BMPER: variants seen among roughly 807,000 people sequenced by gnomAD.
BMPER encodes BMP-binding endothelial regulator protein.
In BMPER, 45 loss-of-function variants were observed where a neutral mutation model predicts 87.3. The ratio of observed to expected loss-of-function variants is 0.52; its 90% CI spans 0.41 to 0.66. The LOEUF is 0.66. Among genes scored for constraint, BMPER ranks in the 30% least tolerant of loss-of-function variants. The pLI is 0.00. For missense variants in BMPER, 784 were observed against 867.5 expected, an observed-to-expected ratio of 0.90 and a Z score of 1.21; for synonymous variants, 326 against 316.2, an observed-to-expected ratio of 1.03 and a Z score of -0.33.
chr7:33,942,181 A>G (rs1422066091), intron 3 of BMPER, among the ~76,000 whole-genome samples: 2 of 152,056 alleles, frequency 1.3e-5, no homozygotes, highest in Non-Finnish European at 2.9e-5. Context: ...TACCTGAGGG[A>G]ATGTGTATAA....
At chr7:33,977,688 C>T (rs1202490016) in intron 6 of BMPER, among the ~76,000 whole-genome samples, 2 of 151,946 alleles carry the variant, frequency 1.3e-5, no homozygotes, top group African/African-American at 2.4e-5. Flanking sequence ...TGCATTTGAG[C>T]ATGTATATAG....
At chr7:33,950,059 G>A (rs1443315363) in intron 3 of BMPER, among the ~76,000 whole-genome samples, 1 of 152,162 alleles carries the variant, frequency 6.6e-6, no homozygotes. Flanking sequence ...TTATTCCTGG[G>A]CTTTGTTTTT....
intron 6 of BMPER, among the ~76,000 whole-genome samples, chr7:34,029,709 A>G (rs1787473997): frequency 6.6e-6 from 1 of 152,068 alleles, no homozygotes; most frequent in African/African-American, 2.4e-5. Context: ...AAGGCCTCCC[A>G]GAGCAGGACT....
intron 6 of BMPER, among the ~76,000 whole-genome samples, chr7:34,036,193 G>A (rs1273488602): frequency 6.6e-6 from 1 of 152,200 alleles, no homozygotes; most frequent in Admixed American, 6.5e-5. Context: ...TGTGTCAGCA[G>A]TAGGCTTGTA....
chr7:34,042,181 A>G (rs1267866410), intron 6 of BMPER, among the ~76,000 whole-genome samples: 1 of 152,238 alleles, frequency 6.6e-6, no homozygotes, highest in Non-Finnish European at 1.5e-5. Context: ...GAGCGGAAAT[A>G]GACTTGGCAT....
intron 6 of BMPER, among the ~76,000 whole-genome samples, chr7:33,994,944 A>G (rs1786361117): frequency 6.6e-6 from 1 of 152,272 alleles, no homozygotes; most frequent in South Asian, 2.1e-4. Context: ...CAGGAAGCAA[A>G]TTATTTGACT....
At chr7:33,953,878 A>G (rs1424197329) in intron 3 of BMPER, among the ~76,000 whole-genome samples, 1 of 152,064 alleles carries the variant, frequency 6.6e-6, no homozygotes, top group Non-Finnish European at 1.5e-5. Flanking sequence ...TAGGTACCGC[A>G]TGTATGTGCA....
At chr7:33,939,131 A>G (rs568129142) in intron 3 of BMPER, among the ~76,000 whole-genome samples, 7 of 152,290 alleles carry the variant, frequency 4.6e-5, no homozygotes, top group African/African-American at 1.4e-4. Context: ...CTCAGGTAAT[A>G]GAAGTATTAC....
chr7:33,953,683 T>C (rs1220254468), intron 3 of BMPER, among the ~76,000 whole-genome samples: 1 of 152,208 alleles, frequency 6.6e-6, no homozygotes, highest in East Asian at 1.9e-4. Flanking sequence ...TTTTAAAATA[T>C]ACAATTTGAT....
At chr7:34,117,698 C>T (rs1345187115) in intron 13 of BMPER, among the ~76,000 whole-genome samples, 5 of 152,150 alleles carry the variant, frequency 3.3e-5, no homozygotes, top group Non-Finnish European at 7.4e-5. Context: ...AAAGTTTTTG[C>T]GTAGCATAAG....
chr7:34,114,840 G>T (rs185723378), intron 13 of BMPER, among the ~76,000 whole-genome samples: 1 of 152,228 alleles, frequency 6.6e-6, no homozygotes, highest in East Asian at 1.9e-4. Flanking sequence ...ACTGAAGGAA[G>T]ACAAGGCAAG....
At chr7:34,024,892 A>C (rs967628387) in intron 6 of BMPER, among the ~76,000 whole-genome samples, 21 of 152,080 alleles carry the variant, frequency 1.4e-4, no homozygotes, top group Non-Finnish European at 3.1e-4. Context: ...GACTTGGATA[A>C]TTCTGATGCA....
chr7:34,020,480 A>G (rs1285906073), intron 6 of BMPER, among the ~76,000 whole-genome samples: 3 of 151,918 alleles, frequency 2.0e-5, no homozygotes, highest in Non-Finnish European at 2.9e-5. Flanking sequence ...TAGTGGTAAG[A>G]ATTCCATGGG....
intron 13 of BMPER, among the ~76,000 whole-genome samples, chr7:34,090,653 A>G (rs181291301): frequency 2.0e-3 from 300 of 152,334 alleles, no homozygotes; most frequent in Non-Finnish European, 3.4e-3. Context: ...ATGAAATACC[A>G]GCAATGGGCT....
intron 6 of BMPER, among the ~76,000 whole-genome samples, chr7:34,038,434 AC>A (rs1273377547): frequency 2.0e-5 from 3 of 152,206 alleles, no homozygotes; most frequent in Admixed American, 2.0e-4. Context: ...GCCTGCTGAT[AC>A]CTGGATTTTA....
intron 13 of BMPER, among the ~76,000 whole-genome samples, chr7:34,094,096 A>G (rs1032115782): frequency 3.9e-5 from 6 of 152,180 alleles, no homozygotes; most frequent in African/African-American, 1.4e-4. Context: ...ACACACTTCT[A>G]TCACTGTCCA....
At chr7:34,102,506 G>A (rs1012118114) in intron 13 of BMPER, among the ~76,000 whole-genome samples, 1 of 152,132 alleles carries the variant, frequency 6.6e-6, no homozygotes, top group Non-Finnish European at 1.5e-5. Context: ...CTGTTCTGGG[G>A]ACCACACTTT....
chr7:33,971,382 T>TA (rs1435215943), intron 5 of BMPER, among the ~76,000 whole-genome samples: 2 of 152,224 alleles, frequency 1.3e-5, no homozygotes, highest in African/African-American at 4.8e-5. Context: ...AGCTTCCACT[T>TA]ACGTCTAACC....
At chr7:34,024,543 C>T (rs954370290) in intron 6 of BMPER, among the ~76,000 whole-genome samples, 10 of 148,300 alleles carry the variant, frequency 6.7e-5, no homozygotes, top group Admixed American at 2.0e-4. Flanking sequence ...TATCCTGTTC[C>T]TCATAGGTGA....
Sources: gnomAD v4.1 joint callset for allele counts (sites outside exome capture counted in the v4.1 genomes callset) on GRCh38, gnomAD v4.1.1 for gene constraint, MANE v1.5 for transcripts, NCBI Gene and HGNC (gene_info 2026-07-23, HGNC 2026-07-21) for gene names.